The following CLCNKA variants were observed in gnomAD, a reference collection of about 807,000 sequenced individuals.
CLCNKA encodes chloride channel protein ClC-Ka.
Under a neutral mutation model 83.3 loss-of-function variants are expected in CLCNKA, and 66 were observed. That is an observed-to-expected ratio of 0.79 (90% confidence interval 0.65 to 0.97). The LOEUF (loss-of-function observed/expected upper bound fraction) is 0.97. CLCNKA is among the 50% of genes least tolerant of loss of function. The pLI, the probability that CLCNKA is intolerant of heterozygous loss-of-function variation, is 0.00. For missense variants in CLCNKA, 806 were observed against 888.7 expected, an observed-to-expected ratio of 0.91 and a Z score of 1.18; for synonymous variants, 357 against 370.4, an observed-to-expected ratio of 0.96 and a Z score of 0.42.
chr1:16,023,632 G>A (rs535966964), intron 2 of CLCNKA, among the ~76,000 whole-genome samples, 168 bp from the exon 3 acceptor site: 270 of 152,308 alleles, frequency 1.8e-3, no homozygotes, highest in Non-Finnish European at 3.0e-3. Context: ...CCAGTGCGAG[G>A]AACGTGGACA....
Position 16,027,916 on chromosome 1 carries a change from G to A in CLCNKA, c.866+11G>A, listed in dbSNP as rs1454735488. On this transcript the variant is annotated intron_variant, in intron 9 of 19. Transcript: ENST00000331433. ...TTTTGTGGCGCTGGGGTGAGTGGGTGCCTTGGGCCCCTGAGAGTCCAAAAG... is the reference window on the plus strand; with the variant it reads ...TTTTGTGGCGCTGGGGTGAGTGGGTACCTTGGGCCCCTGAGAGTCCAAAAG... 6.2e-7 allele frequency: 1 copy of A among 1,613,860 alleles called. No homozygotes were observed. Among genetic ancestry groups the A allele is most frequent in the South Asian group, 1.1e-5 (1 of 91,078 alleles).
chr1:16,031,874 G>T (rs201382929), intron 16 of CLCNKA, 31 bp downstream of exon 16: 5 of 1,613,282 alleles, frequency 3.1e-6, no homozygotes, highest in Non-Finnish European at 4.2e-6. Flanking sequence ...AGGAAGTCGG[G>T]GGTAGGGGAT....
intron 14 of CLCNKA, 143 bp from the exon 15 acceptor site, chr1:16,030,316 TTG>T (rs951095917): frequency 1.4e-5 from 15 of 1,070,528 alleles, no homozygotes; most frequent in Admixed American, 4.5e-5. Flanking sequence ...AGCCCAGGCC[TTG>T]GGGCACTTCC....
chr1:16,029,141 C>T lies in CLCNKA; in HGVS notation c.1069C>T (p.His357Tyr). The change falls in exon 12 of 20, where the codon CAT (histidine) becomes TAT (tyrosine). Residue 357 changes from histidine (H) to tyrosine (Y), a missense_variant. Coordinates refer to ENST00000331433, the MANE Select transcript of CLCNKA (RefSeq NM_004070.4). ...CCCGCCACAGCTGTCCATGAAGCAG[C>T]ATCTGGACTCGCTGTTCGACAACCA... ...FLASRLSMKQHLDSLFDNHSW... is the reference protein window; with the variant it reads ...FLASRLSMKQYLDSLFDNHSW... 6.2e-7 allele frequency: 1 copy of T among 1,611,698 alleles called. No homozygotes were observed. The highest frequency in any genetic ancestry group is 1.3e-5 in the African/African-American group (1 of 74,972).
At chr1:16,027,611 C>T (rs1262956146) in intron 8 of CLCNKA, among the ~76,000 whole-genome samples, 176 bp downstream of exon 8, 1 of 151,688 alleles carries the variant, frequency 6.6e-6, no homozygotes, top group Non-Finnish European at 1.5e-5. Context: ...TGTTGAGCCC[C>T]TGACCTGTGT....
rs766419796 is a variant in CLCNKA, at chr1:16,033,269, C to A, written c.2016+13C>A. On this transcript the variant is annotated intron_variant, in intron 19 of 19. Coordinates refer to ENST00000331433, the MANE Select transcript of CLCNKA (RefSeq NM_004070.4). ...GTCCTGGGTGGAGGTACCAGGGTCC[C>A]GGGGGCAGAGCAAAGCAGGGGACCC... The A allele has an allele frequency of 1.5e-5, 24 of 1,613,466 alleles. No individual in the cohort carries two copies. The South Asian group carries it at 2.3e-4, about 16-fold the overall frequency.
In CLCNKA at chr1:16,026,220, C is replaced by G. The variant is rs201270640; in HGVS notation, c.471C>G (p.Thr157=). 13 of 1,613,888 alleles carry G rather than the reference C, an allele frequency of 8.1e-6. No homozygotes were observed. In the East Asian group the frequency reaches 2.5e-4, roughly 30 times the overall value. ...KVVGLSCTLA[T]GSTLFLGKVG... is the part of the protein sequence containing the mutation. ...TGGGCCTCTCCTGCACCCTGGCCACCGGCAGCACCCTGTTCCTGGGCAAAG... is the reference window on the plus strand; with the variant it reads ...TGGGCCTCTCCTGCACCCTGGCCACGGGCAGCACCCTGTTCCTGGGCAAAG... The change falls in exon 5 of 20, where the codon ACC becomes ACG. Residue 157 remains threonine, a synonymous_variant. Coordinates refer to ENST00000331433, the MANE Select transcript of CLCNKA (RefSeq NM_004070.4).
rs1343326325 is a variant in CLCNKA, at chr1:16,028,131, G to T, written c.968+12G>T. Reference sequence around the variant, plus strand: ...CTGCTGGCTACTAGGTAGGCTCTGGGCTAGGGGCTGGGGACATCTCAGTGA... The same window carrying T: ...CTGCTGGCTACTAGGTAGGCTCTGGTCTAGGGGCTGGGGACATCTCAGTGA... On this transcript the variant is annotated intron_variant, in intron 10 of 19. Coordinates refer to ENST00000331433, the MANE Select transcript of CLCNKA (RefSeq NM_004070.4). 1 of 1,611,840 alleles carries T rather than the reference G, an allele frequency of 6.2e-7. No individual in the cohort carries two copies. The highest frequency in any genetic ancestry group is 8.5e-7 in the Non-Finnish European group (1 of 1,178,908).
chr1:16,031,651 G>T, intron 15 of CLCNKA, 59 bp from the exon 16 acceptor site: 1 of 1,612,518 alleles, frequency 6.2e-7, no homozygotes, highest in Non-Finnish European at 8.5e-7. Context: ...AGATCCCCTT[G>T]CTGGCCTGGG....
At position 16,026,613 on chromosome 1, in the gene CLCNKA, G is replaced by A. The variant is rs555359365; in HGVS notation, c.576G>A (p.Glu192=). 2.5e-6 allele frequency: 4 copies of A among 1,614,068 alleles called. No individual in the cohort carries two copies. Among genetic ancestry groups the A allele is most frequent in the African/African-American group, 2.7e-5 (2 of 75,052 alleles). ...RVRTTTIGEP[E]NKSKQNEMLV... is the part of the protein sequence containing the mutation. The stretch of plus-strand genomic sequence containing the variant: ...GCACCACGACCATCGGGGAGCCTGA[G>A]GTTAGGGACTCGGGGGCTTCCTTGG... Residue 192 remains glutamate (E), a splice_region_variant and synonymous_variant, in exon 6 of 20, where the codon GAG becomes GAA. Transcript: ENST00000331433.
At chr1:16,026,340 A>G in intron 5 of CLCNKA, 93 bp downstream of exon 5, 1 of 1,539,672 alleles carries the variant, frequency 6.5e-7, no homozygotes. Flanking sequence ...GTCAGAGCAG[A>G]CTCAGGCCAG....
chr1:16,024,718 G>T (rs1390199046), intron 3 of CLCNKA, 45 bp from the exon 4 acceptor site: 10 of 1,612,000 alleles, frequency 6.2e-6, no homozygotes, highest in Non-Finnish European at 8.5e-6. Flanking sequence ...GGCCCTGAGG[G>T]CTGCAGAGGC....
intron 2 of CLCNKA, 28 bp downstream of exon 2, chr1:16,022,747 G>A (rs575969901): frequency 4.1e-5 from 59 of 1,447,836 alleles, no homozygotes; most frequent in Admixed American, 2.2e-4. Context: ...TTCCCTACCC[G>A]CGGGGGACCA....
rs45457595 is a variant in CLCNKA, at chr1:16,029,119, G to A, written c.1054-7G>A. The A allele has an allele frequency of 0.085, 135,407 of 1,586,254 alleles. 7,332 individuals carry two copies. The highest frequency in any genetic ancestry group is 0.094 in the Non-Finnish European group (108,618 of 1,158,718). On this transcript the variant is annotated splice_region_variant and splice_polypyrimidine_tract_variant and intron_variant, in intron 11 of 19. Transcript: ENST00000331433. ...CTCATGTCCAGTTCCCACCTGCCCC[G>A]CCACAGCTGTCCATGAAGCAGCATC...
rs1341699594 is a variant in CLCNKA at position 16,028,753 on chromosome 1, C to A, written c.969-8C>A. On this transcript the variant is annotated splice_region_variant and splice_polypyrimidine_tract_variant and intron_variant, in intron 10 of 19. Coordinates refer to ENST00000331433, the MANE Select transcript of CLCNKA (RefSeq NM_004070.4). ...GGGCCAGCCCTAGAGCTCACCCACC[C>A]CCCACAGCAAGCCTGTGTACTCCGC... The A allele has an allele frequency of 1.2e-6, 2 of 1,614,130 alleles. No individual in the cohort carries two copies. The highest frequency in any genetic ancestry group is 1.7e-6 in the Non-Finnish European group (2 of 1,180,012).
At position 16,033,648 on chromosome 1, in the gene CLCNKA, C is replaced by T. The variant is rs369015214; in HGVS notation, c.2054C>T (p.Ala685Val). ...KAISNLTNPP[A>V]PK The stretch of plus-strand genomic sequence containing the variant: ...ATTTCCAACCTGACAAATCCGCCAG[C>T]TCCAAAGTGAGCCGGCCCAGCAAGA... The change falls in exon 20 of 20, where the codon GCT becomes GTT. Residue 685 changes from alanine to valine, a missense_variant. Ala to Val is a moderately conservative substitution (Grantham distance 64). Transcript: ENST00000331433. The T allele has an allele frequency of 6.2e-7, 1 of 1,605,048 alleles. No homozygotes were observed. The highest frequency in any genetic ancestry group is 8.5e-7 in the Non-Finnish European group (1 of 1,176,496).
rs975656524 is a variant in CLCNKA at position 16,030,345 on chromosome 1, T to C, written c.1409-116T>C. The C allele has an allele frequency of 3.1e-6, 4 of 1,301,162 alleles. No homozygotes were observed. The African/African-American group carries it at 5.8e-5, about 19-fold the overall frequency. 80.6% of individuals were successfully genotyped at this position (1,301,162 alleles called of 1,614,324 possible). On this transcript the variant is annotated intron_variant, in intron 14 of 19. Transcript: ENST00000331433. Reference sequence around the variant, plus strand: ...GGCACTTCCCACAGTGCCCAGGCTGTGGCCTCTTACAATTCCCACCCTAGC... The same window carrying C: ...GGCACTTCCCACAGTGCCCAGGCTGCGGCCTCTTACAATTCCCACCCTAGC...
chr1:16,028,072 C>T lies in CLCNKA; in HGVS notation c.921C>T (p.Leu307=). The T allele has an allele frequency of 6.3e-7, 1 of 1,587,898 alleles. No individual in the cohort carries two copies. Among genetic ancestry groups the T allele is most frequent in the Non-Finnish European group, 8.6e-7 (1 of 1,157,212 alleles). ...CAYLFCQRTF[L]SFIKTNRYSS... The stretch of plus-strand genomic sequence containing the variant: ...ACCTCTTCTGTCAGCGAACCTTCCT[C>T]AGCTTCATCAAGACCAATCGGTACA... The change falls in exon 10 of 20, where the codon CTC becomes CTT. Residue 307 remains leucine, a synonymous_variant. Coordinates refer to ENST00000331433, the MANE Select transcript of CLCNKA (RefSeq NM_004070.4).
intron 3 of CLCNKA, among the ~76,000 whole-genome samples, chr1:16,024,284 C>A (rs1470405306): frequency 1.3e-5 from 2 of 152,244 alleles, no homozygotes; most frequent in African/African-American, 4.8e-5. Flanking sequence ...CCCCTGCTCC[C>A]TCAGCAGCCT....
Sources: allele counts gnomAD v4.1 joint callset (sites outside exome capture counted in the v4.1 genomes callset), GRCh38; gene constraint gnomAD v4.1.1; transcripts MANE v1.5; gene names NCBI Gene and HGNC (gene_info 2026-07-23, HGNC 2026-07-21).